Variants in ABCB11 observed in about 807,000 individuals in gnomAD.
The protein encoded by ABCB11 is bile salt export pump.
A neutral mutation model predicts 148.0 loss-of-function variants in ABCB11; 95 were observed. The ratio of observed to expected loss-of-function variants is 0.64; its 90% confidence interval spans 0.54 to 0.76. The LOEUF (loss-of-function observed/expected upper bound fraction) is 0.76, where lower values mean the gene tolerates loss of function less well. Ranked by LOEUF, ABCB11 falls within the 30% of genes least tolerant of loss-of-function variation. ABCB11 has a pLI of 0.00. For missense variants in ABCB11, 1,523 were observed against 1,617.8 expected (o/e 0.94, Z 1.01); for synonymous variants, 591 against 555.4 (o/e 1.06, Z -0.90).
intron 12 of ABCB11, among the ~76,000 whole-genome samples, chr2:168,976,362 C>T (rs948260004): frequency 6.6e-6 from 1 of 152,062 alleles, no homozygotes; most frequent in African/African-American, 2.4e-5. Flanking sequence ...AGACTGTGTC[C>T]CAACCAGGGG....
chr2:168,978,566 G>A (rs1337870365), intron 11 of ABCB11, among the ~76,000 whole-genome samples: 1 of 152,070 alleles, frequency 6.6e-6, no homozygotes, highest in African/African-American at 2.4e-5. Context: ...TGGCGAAAGA[G>A]TATCAAACAG....
At chr2:168,935,679 C>A (rs746865131) in intron 22 of ABCB11, among the ~76,000 whole-genome samples, 17 of 152,140 alleles carry the variant, frequency 1.1e-4, no homozygotes, top group Admixed American at 7.9e-4. Context: ...ATTTACCCCC[C>A]AAGGACAAGA....
intron 1 of ABCB11, among the ~76,000 whole-genome samples, chr2:169,022,048 A>G (rs2106067365): frequency 6.6e-6 from 1 of 152,188 alleles, no homozygotes; most frequent in Middle Eastern, 3.5e-3. Context: ...ATGCAGATAA[A>G]TATGGGTTAA....
intron 21 of ABCB11, among the ~76,000 whole-genome samples, chr2:168,938,912 T>A (rs1048796886): frequency 4.0e-5 from 6 of 151,014 alleles, no homozygotes; most frequent in Non-Finnish European, 5.9e-5. Flanking sequence ...TATATTTTAA[T>A]TTTTTTCTTT....
chr2:168,962,851 T>G lies in ABCB11; in HGVS notation c.2178+1355A>C, dbSNP rs536995848. ...GGATGCAGTAAGAAACTATGCTTGCTAAATGTGTTTTCTCTCACTGTGATT... is the reference window on the plus strand; with the variant it reads ...GGATGCAGTAAGAAACTATGCTTGCGAAATGTGTTTTCTCTCACTGTGATT... On this transcript the variant is annotated intron_variant, in intron 18 of 27. Transcript: ENST00000650372. Among the ~76,000 whole-genome samples, 13 of 151,852 alleles carry G rather than the reference T, an allele frequency of 8.6e-5. No individual in the cohort carries two copies. The East Asian group carries it at 2.5e-3, about 30-fold the overall frequency.
At position 168,971,999 on chromosome 2, in the gene ABCB11, C is replaced by G. The variant is rs1693600554; in HGVS notation, c.1486G>C (p.Asp496His). ...IRSLNIQWLR[D>H]QIGIVEQEPV... ...TCTTGCTCCACTATCCCAATCTGATCTCTAAGCCACTGAATGTTAAGAGAG... is the reference window on the plus strand; with the variant it reads ...TCTTGCTCCACTATCCCAATCTGATGTCTAAGCCACTGAATGTTAAGAGAG... Residue 496 changes from aspartate to histidine, a missense_variant, in exon 14 of 28, where the codon GAT (aspartate) becomes CAT (histidine). Coordinates refer to ENST00000650372, the MANE Select transcript of ABCB11 (RefSeq NM_003742.4). 6.2e-7 allele frequency: 1 copy of G among 1,612,944 alleles called. No individual in the cohort carries two copies. Among genetic ancestry groups the G allele is most frequent in the Non-Finnish European group, 8.5e-7 (1 of 1,179,362 alleles).
intron 18 of ABCB11, among the ~76,000 whole-genome samples, chr2:168,959,797 C>T (rs1039497332): frequency 6.6e-6 from 1 of 151,454 alleles, no homozygotes; most frequent in African/African-American, 2.4e-5. Flanking sequence ...GCCCTCTTTG[C>T]ATTGCCTTGT....
intron 2 of ABCB11, 65 bp downstream of exon 2, chr2:169,017,985 G>T: frequency 7.2e-7 from 1 of 1,383,296 alleles, no homozygotes; most frequent in Non-Finnish European, 1.0e-6. Flanking sequence ...AACTTGACCA[G>T]CTTGTCCTAC....
chr2:168,951,466 C>T (rs1280413007), intron 19 of ABCB11, among the ~76,000 whole-genome samples: 2 of 151,448 alleles, frequency 1.3e-5, no homozygotes, highest in Admixed American at 1.3e-4. Context: ...GGAGATCTTT[C>T]ACCTCTTTGC....
chr2:168,964,410 T>A, intron 17 of ABCB11, 102 bp from the exon 18 acceptor site: 1 of 959,760 alleles, frequency 1.0e-6, no homozygotes, highest in Non-Finnish European at 1.6e-6. Flanking sequence ...TAAATAGAAA[T>A]GTTTGGTAGG....
intron 21 of ABCB11, among the ~76,000 whole-genome samples, chr2:168,939,679 T>C (rs1369654556): frequency 3.9e-5 from 6 of 151,992 alleles, no homozygotes; most frequent in Non-Finnish European, 5.9e-5. Flanking sequence ...AGTATAAATA[T>C]AAAAAAAGAA....
intron 26 of ABCB11, 50 bp from the exon 27 acceptor site, chr2:168,924,853 G>T: frequency 6.5e-7 from 1 of 1,535,810 alleles, no homozygotes. Flanking sequence ...TATTGCTCCT[G>T]TGCTGTACTG....
chr2:168,999,867 A>G (rs1694820124), intron 5 of ABCB11, among the ~76,000 whole-genome samples: 1 of 152,130 alleles, frequency 6.6e-6, no homozygotes, highest in South Asian at 2.1e-4. Context: ...GTCATATGGT[A>G]GTTGAGTGTT....
intron 19 of ABCB11, among the ~76,000 whole-genome samples, chr2:168,950,138 T>TACACAC (rs1272002958): frequency 1.5e-4 from 15 of 102,428 alleles, no homozygotes; most frequent in African/African-American, 4.1e-4. Flanking sequence ...CATATATATA[T>TACACAC]ATACACACAC....
intron 27 of ABCB11, 114 bp downstream of exon 27, chr2:168,924,543 A>G: frequency 1.9e-6 from 2 of 1,046,902 alleles, no homozygotes; most frequent in Non-Finnish European, 2.7e-6. Context: ...AGTATTGCCA[A>G]TTTCTACTGT....
In ABCB11 at chr2:168,935,296, C is replaced by T. The variant is rs72549399; in HGVS notation, c.2944G>A (p.Gly982Arg). 5.6e-6 allele frequency: 9 copies of T among 1,613,790 alleles called. No homozygotes were observed. The highest frequency in any genetic ancestry group is 1.7e-5 in the Admixed American group (1 of 59,996). Residue 982 changes from glycine (G) to arginine (R), a missense_variant, in exon 23 of 28, where the codon GGA becomes AGA. Coordinates refer to ENST00000650372, the MANE Select transcript of ABCB11 (RefSeq NM_003742.4). ...CACTGGGCAAAGGCAAAGCAGAATC[C>T]GTAAATATTGGCTTTCTGAATGGCT... ...KTAIQKANIYGFCFAFAQCIM... is the reference protein window; with the variant it reads ...KTAIQKANIYRFCFAFAQCIM...
At chr2:168,934,607 G>C (rs1222414443) in intron 23 of ABCB11, among the ~76,000 whole-genome samples, 2 of 152,186 alleles carry the variant, frequency 1.3e-5, no homozygotes, top group African/African-American at 2.4e-5. Flanking sequence ...CTTTGCAAGA[G>C]AGGAGTTCAA....
At chr2:169,016,108 T>A (rs1695348144) in intron 3 of ABCB11, among the ~76,000 whole-genome samples, 1 of 152,098 alleles carries the variant, frequency 6.6e-6, no homozygotes, top group South Asian at 2.1e-4. Flanking sequence ...TTCATCTACA[T>A]CCACACCCAT....
intron 17 of ABCB11, among the ~76,000 whole-genome samples, chr2:168,966,605 C>A (rs972074336): frequency 1.3e-5 from 2 of 151,842 alleles, no homozygotes; most frequent in Non-Finnish European, 2.9e-5. Context: ...TCTTTCTCAA[C>A]ATTATTATTT....
Sources: gnomAD v4.1 joint callset for allele counts (sites outside exome capture counted in the v4.1 genomes callset) on GRCh38, gnomAD v4.1.1 for gene constraint, MANE v1.5 for transcripts, NCBI Gene and HGNC (gene_info 2026-07-23, HGNC 2026-07-21) for gene names.